Variants in PLAAT2 observed in about 807,000 individuals in gnomAD.
PLAAT2 encodes HRAS like suppressor 2.
Under a neutral mutation model 12.8 loss-of-function variants are expected in PLAAT2, and 12 were observed. The observed-to-expected ratio is 0.94, with a 90% CI of 0.60 to 1.52. PLAAT2 has a LOEUF of 1.52. Ranked by LOEUF, PLAAT2 falls within the 40% of genes most tolerant of loss-of-function variation. PLAAT2 has a pLI of 0.00. For synonymous variants in PLAAT2, 79 were observed against 86.8 expected (o/e 0.91, Z 0.50); for missense variants, 166 against 208.1 (o/e 0.80, Z 1.24).
At chr11:63,563,270 G>A in intron 1 of PLAAT2, 46 bp downstream of exon 1, 1 of 1,610,628 alleles carries the variant, frequency 6.2e-7, no homozygotes, top group Non-Finnish European at 8.5e-7. Flanking sequence ...CTAATAGGGT[G>A]GTTGTTCCTC....
chr11:63,555,404 T>C (rs1273773281), intron 3 of PLAAT2, among the ~76,000 whole-genome samples: 2 of 152,232 alleles, frequency 1.3e-5, no homozygotes, highest in African/African-American at 4.8e-5. Flanking sequence ...TTGAGTATTA[T>C]GAGTAATTAT....
intron 3 of PLAAT2, among the ~76,000 whole-genome samples, chr11:63,555,049 G>C (rs2017454398): frequency 6.6e-6 from 1 of 152,228 alleles, no homozygotes; most frequent in Non-Finnish European, 1.5e-5. Flanking sequence ...GGCTCATAGA[G>C]TCAGGGAGGT....
At chr11:63,563,034 TG>T (rs1285030168) in intron 1 of PLAAT2, among the ~76,000 whole-genome samples, 1 of 152,204 alleles carries the variant, frequency 6.6e-6, no homozygotes, top group Non-Finnish European at 1.5e-5. Context: ...GCAGAGCCAC[TG>T]GTAGTTTGGC....
upstream of PLAAT2, chr11:63,563,523 C>G: frequency 1.7e-6 from 1 of 582,980 alleles, no homozygotes; most frequent in South Asian, 1.9e-5. Flanking sequence ...TCGAGACCAT[C>G]CTGACTAACA....
intron 1 of PLAAT2, among the ~76,000 whole-genome samples, chr11:63,560,539 G>A (rs531216331): frequency 6.6e-6 from 1 of 152,332 alleles, no homozygotes; most frequent in Admixed American, 6.5e-5. Flanking sequence ...GTGACTGCAT[G>A]ATTCCGAAGG....
chr11:63,557,909 A>C (rs115908514), intron 3 of PLAAT2, among the ~76,000 whole-genome samples: 2,489 of 152,254 alleles, frequency 0.016, 76 homozygotes, highest in African/African-American at 0.057. Context: ...AAAATAATTA[A>C]ATCAGGCTGG....
chr11:63,559,106 C>G (rs2017495251), intron 2 of PLAAT2, among the ~76,000 whole-genome samples: 1 of 152,184 alleles, frequency 6.6e-6, no homozygotes, highest in Non-Finnish European at 1.5e-5. Flanking sequence ...TGGAGACCAG[C>G]TTGCACAATA....
At chr11:63,556,971 G>GT (rs556450773) in intron 3 of PLAAT2, among the ~76,000 whole-genome samples, 73 of 152,254 alleles carry the variant, frequency 4.8e-4, no homozygotes, top group Middle Eastern at 3.4e-3. Context: ...AAAATTGTCA[G>GT]TTTTTTTCTG....
chr11:63,560,251 G>T, intron 1 of PLAAT2, 58 bp from the exon 2 acceptor site: 1 of 1,307,902 alleles, frequency 7.6e-7, no homozygotes, highest in Non-Finnish European at 1.1e-6. Context: ...AACATTCTAG[G>T]GCCTGACCTG....
At chr11:63,554,354 G>C (rs974254158) in intron 3 of PLAAT2, among the ~76,000 whole-genome samples, 12 of 151,604 alleles carry the variant, frequency 7.9e-5, no homozygotes, top group East Asian at 2.0e-4. Flanking sequence ...CAAAGGCCGG[G>C]GGGGCGGTGG....
At chr11:63,554,176 T>TGGGGGGG (rs2017444683) in intron 3 of PLAAT2, among the ~76,000 whole-genome samples, 1 of 58,304 alleles carries the variant, frequency 1.7e-5, no homozygotes, top group African/African-American at 7.0e-5. Flanking sequence ...GGGTGGGGGG[T>TGGGGGGG]GGGGGTGAAA....
intron 3 of PLAAT2, among the ~76,000 whole-genome samples, chr11:63,555,656 G>A (rs745515155): frequency 6.6e-6 from 1 of 152,206 alleles, no homozygotes; most frequent in Non-Finnish European, 1.5e-5. Flanking sequence ...TCACATTTCA[G>A]TGAAGCACCT....
chr11:63,562,571 C>T (rs143834928), intron 1 of PLAAT2, among the ~76,000 whole-genome samples: 190 of 152,274 alleles, frequency 1.2e-3, no homozygotes, highest in African/African-American at 4.4e-3. Context: ...CTCCTAAGTT[C>T]GAATTCCCTC....
intron 2 of PLAAT2, among the ~76,000 whole-genome samples, chr11:63,559,714 A>G (rs948796): frequency 0.57 from 86,752 of 151,190 alleles, 27,386 homozygotes; most frequent in East Asian, 0.97. Context: ...GGAGGCCCAC[A>G]TGCTCCTTCC....
At chr11:63,557,914 G>T (rs1016360207) in intron 3 of PLAAT2, among the ~76,000 whole-genome samples, 5 of 152,102 alleles carry the variant, frequency 3.3e-5, no homozygotes, top group Non-Finnish European at 7.4e-5. Context: ...AATTAAATCA[G>T]GCTGGGCTCG....
chr11:63,560,129 G>T lies in PLAAT2; in HGVS notation c.74C>A (p.Ala25Asp). 4 of 1,613,640 alleles carry T rather than the reference G, an allele frequency of 2.5e-6. No individual in the cohort carries two copies. Among genetic ancestry groups the T allele is most frequent in the Non-Finnish European group, 2.5e-6 (3 of 1,179,722 alleles). The change falls in exon 2 of 4, where the codon GCC becomes GAC. Residue 25 changes from alanine (A) to aspartate (D), a missense_variant. Ala to Asp is a moderately radical substitution (Grantham distance 126, BLOSUM62 -2). Coordinates refer to ENST00000255695, the MANE Select transcript of PLAAT2 (RefSeq NM_017878.2). ...EISRFGYAHW[A>D]IYVGDGYVVH... The stretch of plus-strand genomic sequence containing the variant: ...CACATAGCCATCTCCCACGTAGATG[G>T]CCCAGTGTGCATAGCCAAAGCGAGA...
chr11:63,554,224 G>T (rs897636824), intron 3 of PLAAT2, among the ~76,000 whole-genome samples: 11 of 152,018 alleles, frequency 7.2e-5, no homozygotes, highest in African/African-American at 2.7e-4. Context: ...TCAGCACTGT[G>T]CTGGGAACTC....
At position 63,558,395 on chromosome 11, in the gene PLAAT2, G is replaced by A. The variant is rs1212356536; in HGVS notation, c.384C>T (p.Asp128=). Reference sequence around the variant, plus strand: ...GGGATGCAGGCTGAAGATGCACCTGGTCACTGCGGGAGACGCCATAGCGCA... The same window carrying A: ...GGGATGCAGGCTGAAGATGCACCTGATCACTGCGGGAGACGCCATAGCGCA... The part of the protein sequence containing the change: ...NHLRYGVSRS[D]QVTGAVTTVG... The change falls in exon 3 of 4, where the codon GAC becomes GAT. Residue 128 remains aspartate, a synonymous_variant. Coordinates refer to ENST00000255695, the MANE Select transcript of PLAAT2 (RefSeq NM_017878.2). The A allele has an allele frequency of 6.2e-7, 1 of 1,613,570 alleles. No homozygotes were observed. Among genetic ancestry groups the A allele is most frequent in the Admixed American group, 1.7e-5 (1 of 60,022 alleles).
In PLAAT2 at chr11:63,552,864, T is replaced by A. The variant is rs536254783; in HGVS notation, c.*100A>T. 3.3e-5 allele frequency: 25 copies of A among 751,190 alleles called. No individual in the cohort carries two copies. Among genetic ancestry groups the A allele is most frequent in the Non-Finnish European group, 5.1e-5 (22 of 433,738 alleles). The allele number at this position is 751,190 out of a possible 1,614,324, so 46.5% of individuals were successfully genotyped here. ...TTAACTCCATTAAAATAAAGATTCATGAACACAAAACAGTAAAATCAGTAA... is the reference window on the plus strand; with the variant it reads ...TTAACTCCATTAAAATAAAGATTCAAGAACACAAAACAGTAAAATCAGTAA... On this transcript the variant is annotated 3_prime_UTR_variant, in exon 4 of 4. Transcript: ENST00000255695.
Sources: gnomAD v4.1 joint callset for allele counts (sites outside exome capture counted in the v4.1 genomes callset) on GRCh38, gnomAD v4.1.1 for gene constraint, MANE v1.5 for transcripts, NCBI Gene and HGNC (gene_info 2026-07-23, HGNC 2026-07-21) for gene names.